Variants in BAG3 observed in about 807,000 individuals in gnomAD.
BAG3 encodes BAG cochaperone 3, also known as BAG family molecular chaperone regulator 3.
A neutral mutation model predicts 40.5 loss-of-function variants in BAG3; 14 were observed. That is an observed-to-expected ratio of 0.35 (90% confidence interval 0.23 to 0.54). The LOEUF (loss-of-function observed/expected upper bound fraction) is 0.54, where lower values mean the gene tolerates loss of function less well. Among genes scored for constraint, BAG3 ranks in the 20% least tolerant of loss-of-function variants. The pLI is 0.91. For synonymous variants in BAG3, 302 were observed against 307.8 expected (o/e 0.98, Z 0.20); for missense variants, 788 against 758.6 (o/e 1.04, Z -0.46).
At position 119,651,507 on chromosome 10, in the gene BAG3, C is replaced by A. The variant is rs1053609954; in HGVS notation, c.-169C>A. 28 of 530,512 alleles carry A rather than the reference C, an allele frequency of 5.3e-5. No homozygotes were observed. The highest frequency in any genetic ancestry group is 8.5e-5 in the Non-Finnish European group (28 of 329,320). 32.9% of individuals were successfully genotyped at this position (530,512 alleles called of 1,614,324 possible). A position where few individuals can be genotyped will look rare whatever the true frequency, so the allele number is the denominator to read the frequency against. On this transcript the variant is annotated 5_prime_UTR_variant, in exon 1 of 4. Transcript: ENST00000369085. ...AGGAGGCTATTTCCAGACACTTCCA[C>A]CCCTCTCTGGCCACGTCACCCCCGC...
chr10:119,662,215 G>GTTTTT (rs367864009), intron 1 of BAG3, among the ~76,000 whole-genome samples: 27 of 90,392 alleles, frequency 3.0e-4, no homozygotes, highest in East Asian at 2.8e-4. Flanking sequence ...GCCTGGCTAT[G>GTTTTT]TTTTTTTTTT....
At chr10:119,663,014 CA>C (rs2134058477) in intron 1 of BAG3, among the ~76,000 whole-genome samples, 1 of 152,058 alleles carries the variant, frequency 6.6e-6, no homozygotes, top group East Asian at 1.9e-4. Context: ...GACTCTGTCT[CA>C]AAAATAAAAA....
intron 1 of BAG3, among the ~76,000 whole-genome samples, chr10:119,666,658 C>A (rs1388319207): frequency 1.3e-5 from 2 of 152,106 alleles, no homozygotes; most frequent in Non-Finnish European, 2.9e-5. Flanking sequence ...CCAGGGGCTT[C>A]CCCCAGGAGG....
intron 1 of BAG3, among the ~76,000 whole-genome samples, chr10:119,669,266 A>G (rs1209895797): frequency 3.9e-5 from 6 of 152,108 alleles, no homozygotes; most frequent in African/African-American, 1.2e-4. Flanking sequence ...CTCTCTCCCT[A>G]TGCTGCCTCT....
intron 3 of BAG3, among the ~76,000 whole-genome samples, chr10:119,675,773 T>TTCCCTCCC (rs1304221124): frequency 4.9e-5 from 4 of 81,714 alleles, no homozygotes; most frequent in African/African-American, 1.7e-4. Context: ...CCTTCCCTCC[T>TTCCCTCCC]TCCCTCCCCC....
At chr10:119,651,932 G>C in intron 1 of BAG3, 77 bp downstream of exon 1, 1 of 1,215,590 alleles carries the variant, frequency 8.2e-7, no homozygotes, top group Admixed American at 4.4e-5. Flanking sequence ...CTGGGCCGGG[G>C]GGACGCGAGG....
At chr10:119,669,553 T>G (rs1847113548) in intron 1 of BAG3, among the ~76,000 whole-genome samples, 1 of 152,196 alleles carries the variant, frequency 6.6e-6, no homozygotes, top group Admixed American at 6.5e-5. Context: ...CACTCACCGC[T>G]TCCCTCAGTC....
At chr10:119,664,161 T>G (rs145017847) in intron 1 of BAG3, among the ~76,000 whole-genome samples, 1 of 152,180 alleles carries the variant, frequency 6.6e-6, no homozygotes, top group Non-Finnish European at 1.5e-5. Context: ...GACCTGCTCT[T>G]AAGCAAACGA....
chr10:119,668,244 A>G (rs1284006621), intron 1 of BAG3, among the ~76,000 whole-genome samples: 1 of 152,224 alleles, frequency 6.6e-6, no homozygotes, highest in Non-Finnish European at 1.5e-5. Context: ...GAAAGGGCTA[A>G]ACCAGGGTCA....
chr10:119,663,322 C>T (rs939004160), intron 1 of BAG3, among the ~76,000 whole-genome samples: 6 of 152,060 alleles, frequency 3.9e-5, no homozygotes, highest in Non-Finnish European at 7.4e-5. Flanking sequence ...TTTTTTAAGA[C>T]AGAGTCTCAC....
At chr10:119,665,087 TTTGTTTGTGTGTGTGTG>T (rs1156267832) in intron 1 of BAG3, among the ~76,000 whole-genome samples, 40 of 63,608 alleles carry the variant, frequency 6.3e-4, no homozygotes, top group African/African-American at 2.3e-3. Flanking sequence ...ACAGCTAATT[TTTGTTTGTGTGTGTGTG>T]TGTGTGTGTG....
chr10:119,677,363 G>A lies in BAG3; in HGVS notation c.*81G>A, dbSNP rs562142489. On this transcript the variant is annotated 3_prime_UTR_variant, in exon 4 of 4. Transcript: ENST00000369085. ...GTTGCATGCATTTCAGAGACTTTAA[G>A]TCAGTTGGTTTTTATTAGCTGCTTG... 1.3e-6 allele frequency: 2 copies of A among 1,574,598 alleles called. No homozygotes were observed. The highest frequency in any genetic ancestry group is 1.8e-5 in the Admixed American group (1 of 56,096).
rs1847158697 is a variant in BAG3, at chr10:119,672,189, T to C, written c.508-66T>C. On this transcript the variant is annotated intron_variant, in intron 2 of 3. Coordinates refer to ENST00000369085, the MANE Select transcript of BAG3 (RefSeq NM_004281.4). The surrounding 1 kb of genome is among the most constrained non-coding windows in gnomAD (Gnocchi z 4.8). ...CTGAGGAGGTGCACAGCAGAAGGCG[T>C]GGTCAGGATGCCAAGCCAGGGGAGT... The C allele has an allele frequency of 6.3e-7, 1 of 1,598,588 alleles. No homozygotes were observed. Among genetic ancestry groups the C allele is most frequent in the Admixed American group, 1.7e-5 (1 of 59,990 alleles).
chr10:119,669,771 A>G, intron 1 of BAG3, 80 bp from the exon 2 acceptor site: 2 of 1,408,012 alleles, frequency 1.4e-6, no homozygotes, highest in Non-Finnish European at 2.0e-6. Context: ...CACAATGCCA[A>G]GCGCCACAGT....
At chr10:119,651,933 G>C (rs1030653325) in intron 1 of BAG3, 78 bp downstream of exon 1, 1 of 1,212,644 alleles carries the variant, frequency 8.2e-7, no homozygotes, top group Admixed American at 4.4e-5. Flanking sequence ...TGGGCCGGGG[G>C]GACGCGAGGC....
chr10:119,675,565 C>T (rs528477273), intron 3 of BAG3, among the ~76,000 whole-genome samples: 3 of 152,156 alleles, frequency 2.0e-5, no homozygotes, highest in Non-Finnish European at 4.4e-5. Flanking sequence ...AAAAGAAGAT[C>T]GTATCTTTTC....
At chr10:119,665,134 A>T (rs144665381) in intron 1 of BAG3, among the ~76,000 whole-genome samples, 10,996 of 59,400 alleles carry the variant, frequency 0.19, 1,060 homozygotes, top group East Asian at 0.26. Flanking sequence ...GTGTATATAT[A>T]TATATATATA....
chr10:119,658,272 G>A (rs1846942018), intron 1 of BAG3, among the ~76,000 whole-genome samples: 1 of 152,250 alleles, frequency 6.6e-6, no homozygotes, highest in Non-Finnish European at 1.5e-5. Flanking sequence ...CAGCCCCTTC[G>A]CTGGCCCACC....
In BAG3 at chr10:119,669,712, G is replaced by A. The variant is rs1258690085; in HGVS notation, c.181-139G>A. 27 of 885,534 alleles carry A rather than the reference G, an allele frequency of 3.0e-5. No homozygotes were observed. In the South Asian group the frequency reaches 3.4e-4, roughly 11 times the overall value. The allele number at this position is 885,534 out of a possible 1,614,324, so 54.9% of individuals were successfully genotyped here. A position where few individuals can be genotyped will look rare whatever the true frequency, so the allele number is the denominator to read the frequency against. On this transcript the variant is annotated intron_variant, in intron 1 of 3. Coordinates refer to ENST00000369085, the MANE Select transcript of BAG3 (RefSeq NM_004281.4). ...TGGGGTGGGGGGTTTGGAGGGTACAGGGGCTGGGAGCTGGCTGACGCTTTG... is the reference window on the plus strand; with the variant it reads ...TGGGGTGGGGGGTTTGGAGGGTACAAGGGCTGGGAGCTGGCTGACGCTTTG...
Sources: gnomAD v4.1 joint callset for allele counts (sites outside exome capture counted in the v4.1 genomes callset) on GRCh38, gnomAD v4.1.1 for gene constraint, Gnocchi (gnomAD v3.1) non-coding constraint, MANE v1.5 for transcripts, NCBI Gene and HGNC (gene_info 2026-07-23, HGNC 2026-07-21) for gene names.